Variants in KRIT1 observed in about 807,000 individuals in gnomAD.
The protein encoded by KRIT1 is KRIT1 ankyrin repeat containing, also known as krev interaction trapped protein 1.
KRIT1 carries 45 observed loss-of-function variants against 95.8 expected under a neutral mutation model. That is an observed-to-expected ratio of 0.47 (90% CI 0.37 to 0.60). KRIT1 has a LOEUF of 0.60. Among genes scored for constraint, KRIT1 ranks in the 20% least tolerant of loss-of-function variants. The pLI, the probability that KRIT1 is intolerant of heterozygous loss-of-function variation, is 0.00. For synonymous variants in KRIT1, 282 were observed against 278.8 expected, an observed-to-expected ratio of 1.01 and a Z score of -0.11; for missense variants, 788 against 877.5, an observed-to-expected ratio of 0.90 and a Z score of 1.29.
chr7:92,210,520 A>G (rs1792570171), intron 17 of KRIT1, among the ~76,000 whole-genome samples: 1 of 152,234 alleles, frequency 6.6e-6, no homozygotes, highest in Non-Finnish European at 1.5e-5. Context: ...CTCACCATAT[A>G]CAGAAATCAA....
At chr7:92,219,002 T>C (rs554537039) in intron 14 of KRIT1, among the ~76,000 whole-genome samples, 1 of 152,292 alleles carries the variant, frequency 6.6e-6, no homozygotes, top group African/African-American at 2.4e-5. Flanking sequence ...CATTTTATTT[T>C]TATTATTATA....
rs1318585118 is a variant in KRIT1, at chr7:92,214,620, C to T, written c.1721G>A (p.Gly574Asp). 27 of 1,610,664 alleles carry T rather than the reference C, an allele frequency of 1.7e-5. No homozygotes were observed. The change falls in exon 15 of 19, where the codon GGT becomes GAT. Residue 574 changes from glycine to aspartate, a missense_variant. Physicochemically the swap from Gly to Asp is moderately conservative, Grantham distance 94. Around this residue, in one of 3 missense-constraint regions of KRIT1, gnomAD observed 493 missense variants for 582.3 expected, o/e 0.85. Transcript: ENST00000394505. ...AATATTAAATACTTACTTTAGGAAACCTTGCTTGTGTTTTTTACTCTCATA... is the reference window on the plus strand; with the variant it reads ...AATATTAAATACTTACTTTAGGAAATCTTGCTTGTGTTTTTTACTCTCATA... The part of the protein sequence containing the change: ...GNYESKKHKQ[G>D]FLNEENLKSI...
chr7:92,237,961 T>C (rs540635401), intron 5 of KRIT1, among the ~76,000 whole-genome samples: 179 of 152,298 alleles, frequency 1.2e-3, no homozygotes, highest in Non-Finnish European at 1.9e-3. Context: ...TTTAGGGTCC[T>C]GGTCTTGACC....
intron 13 of KRIT1, 101 bp from the exon 14 acceptor site, chr7:92,222,154 C>T: frequency 4.7e-6 from 4 of 844,288 alleles, no homozygotes; most frequent in Non-Finnish European, 7.8e-6. Flanking sequence ...GTACTGAATA[C>T]TCACAAATTA....
At chr7:92,227,569 T>G (rs772807060) in intron 10 of KRIT1, among the ~76,000 whole-genome samples, 4 of 152,108 alleles carry the variant, frequency 2.6e-5, no homozygotes, top group Non-Finnish European at 4.4e-5. Context: ...TGAGTCTCAC[T>G]CTATGCCCAG....
chr7:92,199,440 T>C lies in KRIT1; in HGVS notation c.*1296A>G, dbSNP rs1355970726. The C allele has an allele frequency of 1.3e-5, 2 of 152,196 alleles. No homozygotes were observed. 9.4% of individuals were successfully genotyped at this position (152,196 alleles called of 1,614,324 possible). A position where few individuals can be genotyped will look rare whatever the true frequency, so the allele number is the denominator to read the frequency against. On this transcript the variant is annotated 3_prime_UTR_variant, in exon 19 of 19. Transcript: ENST00000394505. ...ATTTAGAATTCATCAGTTTATTAGT[T>C]TGGAAAAACTGTAGTTTCTAGCTTA...
At chr7:92,241,248 A>T in intron 4 of KRIT1, 96 bp from the exon 5 acceptor site, 6 of 895,884 alleles carry the variant, frequency 6.7e-6, no homozygotes, top group Non-Finnish European at 1.1e-5. Flanking sequence ...CTCTAGCTGC[A>T]TATTAGAATA....
At chr7:92,209,066 T>C (rs918138713) in intron 17 of KRIT1, among the ~76,000 whole-genome samples, 1 of 151,580 alleles carries the variant, frequency 6.6e-6, no homozygotes, top group Non-Finnish European at 1.5e-5. Flanking sequence ...TGTGATACAA[T>C]CAATAGAATG....
In KRIT1 at chr7:92,213,215, G is replaced by C. The variant is rs765651073; in HGVS notation, c.2005C>G (p.Leu669Val). ...TCTACCTTAGTTTCCATGTTGAGGA[G>C]ATGAAGTCCTTTTATATTCACTCCT... ...YVGVNIKGLH[L>V]LNMETKALLI... is the part of the protein sequence containing the mutation. The change falls in exon 17 of 19, where the codon CTC becomes GTC. Residue 669 changes from leucine to valine, a missense_variant. Physicochemically the swap from Leu to Val is conservative, Grantham distance 32. Coordinates refer to ENST00000394505, the MANE Select transcript of KRIT1 (RefSeq NM_194454.3). 1 of 1,611,272 alleles carries C rather than the reference G, an allele frequency of 6.2e-7. No individual in the cohort carries two copies.
chr7:92,227,124 T>C (rs1318394635), intron 10 of KRIT1, among the ~76,000 whole-genome samples: 2 of 152,214 alleles, frequency 1.3e-5, no homozygotes, highest in East Asian at 3.8e-4. Context: ...AGTTGCTATA[T>C]TAGACAATGT....
At chr7:92,235,703 T>C (rs539541930) in intron 7 of KRIT1, 57 bp from the exon 8 acceptor site, 70 of 1,544,934 alleles carry the variant, frequency 4.5e-5, no homozygotes, top group Middle Eastern at 3.4e-4. Flanking sequence ...ATGAAAAAGA[T>C]AGATTACTAT....
intron 10 of KRIT1, among the ~76,000 whole-genome samples, chr7:92,228,530 C>T (rs780676475): frequency 5.9e-5 from 9 of 152,170 alleles, no homozygotes; most frequent in Non-Finnish European, 1.2e-4. Flanking sequence ...TCATCCTACA[C>T]CTTACTCAGG....
intron 16 of KRIT1, 32 bp from the exon 17 acceptor site, chr7:92,213,433 A>G (rs1399395706): frequency 6.9e-7 from 1 of 1,453,798 alleles, no homozygotes; most frequent in South Asian, 1.2e-5. Flanking sequence ...TAAAAATAAA[A>G]GAGATATGAA....
chr7:92,240,021 G>T (rs375685927), intron 5 of KRIT1, among the ~76,000 whole-genome samples: 2 of 151,876 alleles, frequency 1.3e-5, no homozygotes, highest in African/African-American at 2.4e-5. Flanking sequence ...TTATAAGTAG[G>T]AACTACTTAT....
At chr7:92,209,299 T>C (rs1367627013) in intron 17 of KRIT1, among the ~76,000 whole-genome samples, 1 of 152,130 alleles carries the variant, frequency 6.6e-6, no homozygotes, top group Non-Finnish European at 1.5e-5. Context: ...AAGACAAGGA[T>C]ACCCCACTTT....
At chr7:92,205,201 C>T (rs2131169810) in intron 17 of KRIT1, among the ~76,000 whole-genome samples, 1 of 152,062 alleles carries the variant, frequency 6.6e-6, no homozygotes, top group East Asian at 1.9e-4. Context: ...GCAAAATCAG[C>T]CAGGTGTGGT....
intron 14 of KRIT1, among the ~76,000 whole-genome samples, chr7:92,215,715 C>T (rs2131342649): frequency 6.6e-6 from 1 of 151,538 alleles, no homozygotes; most frequent in South Asian, 2.1e-4. Flanking sequence ...CTTGGCCTCC[C>T]AAAGTGTTGG....
rs1221203676 is a variant in KRIT1, at chr7:92,200,730, T to C, written c.*6A>G. The C allele has an allele frequency of 6.4e-7, 1 of 1,574,628 alleles. No individual in the cohort carries two copies. The highest frequency in any genetic ancestry group is 8.7e-7 in the Non-Finnish European group (1 of 1,143,994). On this transcript the variant is annotated 3_prime_UTR_variant, in exon 19 of 19. Transcript: ENST00000394505. ...TGTGGTGGCTTGAGTAACAGTTACT[T>C]CTCTTTCATGAATTTCTTTCAGTGG...
intron 1 of KRIT1, chr7:92,245,453 TCA>T (rs1800735236): frequency 6.6e-6 from 1 of 151,088 alleles, no homozygotes; most frequent in South Asian, 2.1e-4. Flanking sequence ...TGGAGATGGT[TCA>T]GTCTCCCACC....
Sources: gnomAD v4.1 joint callset for allele counts (sites outside exome capture counted in the v4.1 genomes callset) on GRCh38, gnomAD v4.1.1 for gene constraint, gnomAD v4.1.1 regional missense constraint, MANE v1.5 for transcripts, NCBI Gene and HGNC (gene_info 2026-07-23, HGNC 2026-07-21) for gene names.